CFTR: variants seen among roughly 807,000 people sequenced by gnomAD.
CFTR encodes CF transmembrane conductance regulator.
Under a neutral mutation model 171.6 loss-of-function variants are expected in CFTR, and 181 were observed. The observed-to-expected ratio is 1.05, with a 90% CI of 0.93 to 1.19. The LOEUF (loss-of-function observed/expected upper bound fraction) is 1.19, where lower values mean the gene tolerates loss of function less well. CFTR is among the 50% of genes most tolerant of loss of function. CFTR has a pLI of 0.00. For synonymous variants in CFTR, 583 were observed against 608.0 expected (o/e 0.96, Z 0.60); for missense variants, 1,968 against 1,734.7 (o/e 1.13, Z -2.39).
intron 6 of CFTR, 93 bp downstream of exon 6, chr7:117,535,504 A>G (rs768758883): frequency 5.5e-5 from 50 of 914,658 alleles, no homozygotes; most frequent in Non-Finnish European, 7.8e-5. Flanking sequence ...TGCATAGAAC[A>G]GTGATCTTCA....
intron 3 of CFTR, among the ~76,000 whole-genome samples, chr7:117,520,100 A>G (rs573388502): frequency 6.6e-6 from 1 of 151,802 alleles, no homozygotes; most frequent in African/African-American, 2.4e-5. Context: ...GGTGAGTTTA[A>G]TCTGTTTTTG....
intron 1 of CFTR, among the ~76,000 whole-genome samples, chr7:117,486,879 T>TG (rs1241180517): frequency 1.9e-3 from 4 of 2,080 alleles, no homozygotes; most frequent in Non-Finnish European, 2.0e-3. Context: ...GTGGGTGGGG[T>TG]GGGGGGGAGG....
intron 23 of CFTR, among the ~76,000 whole-genome samples, chr7:117,643,774 A>T (rs1393372149): frequency 2.0e-5 from 3 of 152,200 alleles, no homozygotes; most frequent in African/African-American, 7.2e-5. Context: ...TATTCAGTAG[A>T]ACCTAAGTCT....
chr7:117,649,486 T>TATA (rs1562925188), intron 23 of CFTR, among the ~76,000 whole-genome samples: 4 of 126,128 alleles, frequency 3.2e-5, no homozygotes, highest in Admixed American at 7.6e-5. Flanking sequence ...ATATATATAG[T>TATA]GTGTGTGTGT....
intron 11 of CFTR, among the ~76,000 whole-genome samples, chr7:117,575,934 T>C (rs1791763487): frequency 6.6e-6 from 1 of 152,138 alleles, no homozygotes; most frequent in African/African-American, 2.4e-5. Flanking sequence ...ATGTAGTCAC[T>C]TTTATCCATA....
chr7:117,515,907 G>T (rs930234302), intron 3 of CFTR, among the ~76,000 whole-genome samples: 2 of 152,114 alleles, frequency 1.3e-5, no homozygotes, highest in Admixed American at 6.6e-5. Context: ...TGTTCTCTTT[G>T]TAGTGATTGT....
In CFTR at chr7:117,611,589, C is replaced by A; in HGVS notation, c.3148C>A (p.Pro1050Thr). ...ATGGAAATATTTCACAGGCAGGAGTCCAATTTTCACTCATCTTGTTACAAG... is the reference window on the plus strand; with the variant it reads ...ATGGAAATATTTCACAGGCAGGAGTACAATTTTCACTCATCTTGTTACAAG... ...LKQLESEGRS[P>T]IFTHLVTSLK... Residue 1050 changes from proline (P) to threonine (T), a missense_variant, in exon 20 of 27, where the codon CCA (proline) becomes ACA (threonine). Pro to Thr is a conservative substitution (Grantham distance 38). Transcript: ENST00000003084. 6.2e-7 allele frequency: 1 copy of A among 1,600,878 alleles called. No homozygotes were observed. The highest frequency in any genetic ancestry group is 1.1e-5 in the South Asian group (1 of 90,724).
intron 3 of CFTR, among the ~76,000 whole-genome samples, chr7:117,520,218 A>G (rs1798664259): frequency 6.8e-6 from 1 of 146,166 alleles, no homozygotes. Flanking sequence ...ATATGAGAGA[A>G]TATTTTCCCT....
chr7:117,501,194 A>T (rs1798319881), intron 1 of CFTR, among the ~76,000 whole-genome samples: 1 of 152,200 alleles, frequency 6.6e-6, no homozygotes, highest in African/African-American at 2.4e-5. Flanking sequence ...GAATTTATTA[A>T]TAGTGGGAGC....
At chr7:117,588,159 T>C (rs1791973606) in intron 12 of CFTR, among the ~76,000 whole-genome samples, 1 of 152,108 alleles carries the variant, frequency 6.6e-6, no homozygotes, top group South Asian at 2.1e-4. Flanking sequence ...ATCTGTTAGT[T>C]CCATCATAGA....
At chr7:117,658,116 G>A (rs1053321965) in intron 24 of CFTR, among the ~76,000 whole-genome samples, 3 of 152,114 alleles carry the variant, frequency 2.0e-5, no homozygotes, top group Non-Finnish European at 2.9e-5. Flanking sequence ...TCTAGAACTT[G>A]GATAGTTTAA....
At chr7:117,603,499 C>T in intron 16 of CFTR, 33 bp from the exon 17 acceptor site, 2 of 1,612,836 alleles carry the variant, frequency 1.2e-6, no homozygotes. Context: ...GTAACTTTGG[C>T]TGCCAAATAA....
intron 2 of CFTR, among the ~76,000 whole-genome samples, chr7:117,505,447 G>T (rs1319245811): frequency 6.6e-6 from 1 of 152,278 alleles, no homozygotes; most frequent in South Asian, 2.1e-4. Context: ...TGGGACCAAG[G>T]ACTCAAATGC....
chr7:117,531,498 T>C (rs1290446009), intron 4 of CFTR, among the ~76,000 whole-genome samples: 1 of 152,146 alleles, frequency 6.6e-6, no homozygotes, highest in Admixed American at 6.6e-5. Context: ...GTATAATATA[T>C]GATTGTTAAT....
intron 20 of CFTR, among the ~76,000 whole-genome samples, chr7:117,613,997 A>ATT (rs1468130932): frequency 2.3e-5 from 3 of 132,008 alleles, no homozygotes; most frequent in Admixed American, 7.5e-5. Context: ...AGGTACAGTA[A>ATT]TCTTTTTTTT....
chr7:117,583,748 A>G (rs1192758498), intron 11 of CFTR, among the ~76,000 whole-genome samples: 1 of 152,138 alleles, frequency 6.6e-6, no homozygotes, highest in Admixed American at 6.5e-5. Flanking sequence ...AGGAATCTCC[A>G]TACTGTTTTC....
intron 22 of CFTR, among the ~76,000 whole-genome samples, chr7:117,635,322 T>C (rs1792809615): frequency 6.6e-6 from 1 of 152,148 alleles, no homozygotes; most frequent in South Asian, 2.1e-4. Context: ...TTTTAGTTTA[T>C]ATGTGGTTTT....
At chr7:117,597,538 A>G (rs1214169079) in intron 15 of CFTR, among the ~76,000 whole-genome samples, 1 of 152,238 alleles carries the variant, frequency 6.6e-6, no homozygotes, top group Non-Finnish European at 1.5e-5. Context: ...TCTTTGTGAT[A>G]TGTGCCACCA....
intron 11 of CFTR, among the ~76,000 whole-genome samples, chr7:117,577,730 G>C (rs1584806170): frequency 6.6e-6 from 1 of 152,068 alleles, no homozygotes; most frequent in African/African-American, 2.4e-5. Flanking sequence ...GGGGTTAGGG[G>C]TGCTGATTCC....
Sources: gnomAD v4.1 joint callset for allele counts (sites outside exome capture counted in the v4.1 genomes callset) on GRCh38, gnomAD v4.1.1 for gene constraint, MANE v1.5 for transcripts, NCBI Gene and HGNC (gene_info 2026-07-23, HGNC 2026-07-21) for gene names.